The following CDC5L variants were observed in gnomAD, a reference collection of about 807,000 sequenced individuals.
The protein encoded by CDC5L is cell division cycle 5-like protein.
Under a neutral mutation model 104.1 loss-of-function variants are expected in CDC5L, and 18 were observed. The ratio of observed to expected loss-of-function variants is 0.17; its 90% CI spans 0.12 to 0.26. The LOEUF (loss-of-function observed/expected upper bound fraction) is 0.26. Among genes scored for constraint, CDC5L ranks in the 10% least tolerant of loss-of-function variants. The pLI is 1.00. For synonymous variants in CDC5L, 331 were observed against 322.7 expected (o/e 1.03, Z -0.28); for missense variants, 673 against 956.9 (o/e 0.70, Z 3.91).
intron 5 of CDC5L, among the ~76,000 whole-genome samples, chr6:44,400,710 C>G (rs1017022412): frequency 1.3e-5 from 2 of 152,208 alleles, no homozygotes; most frequent in Admixed American, 1.3e-4. Flanking sequence ...CTTCCCTTAC[C>G]TCCTGTGAGA....
At chr6:44,408,340 A>T in intron 7 of CDC5L, 104 bp from the exon 8 acceptor site, 1 of 769,728 alleles carries the variant, frequency 1.3e-6, no homozygotes, top group Non-Finnish European at 2.1e-6. Flanking sequence ...GGGCTCAAAC[A>T]GTTTGCCCTC....
chr6:44,403,586 TTTAC>T (rs1485337599), intron 5 of CDC5L, among the ~76,000 whole-genome samples: 2 of 152,156 alleles, frequency 1.3e-5, no homozygotes, highest in Non-Finnish European at 2.9e-5. Flanking sequence ...AAGATATGTA[TTTAC>T]TTGTAGTTCC....
At chr6:44,433,708 TAAAG>T (rs897542189) in intron 14 of CDC5L, among the ~76,000 whole-genome samples, 10 of 152,306 alleles carry the variant, frequency 6.6e-5, no homozygotes, top group African/African-American at 2.2e-4. Context: ...TAAAGTAACT[TAAAG>T]AACACAGATA....
rs1792242423 is a variant in CDC5L at position 44,422,700 on chromosome 6, A to G, written c.1295A>G (p.Lys432Arg). 2 of 1,613,258 alleles carry G rather than the reference A, an allele frequency of 1.2e-6. No individual in the cohort carries two copies. Among genetic ancestry groups the G allele is most frequent in the African/African-American group, 1.3e-5 (1 of 75,024 alleles). The change falls in exon 10 of 16, where the codon AAA becomes AGA. Residue 432 changes from lysine (K) to arginine (R), a missense_variant. By Grantham distance (26) the Lys-to-Arg change is conservative. Coordinates refer to ENST00000371477, the MANE Select transcript of CDC5L (RefSeq NM_001253.4). ...GLTPRSGTTP[K>R]PVINSTPGRT... The stretch of plus-strand genomic sequence containing the variant: ...ACTCCCCGGAGTGGAACAACTCCCA[A>G]ACCAGTTATTAACTCTACTCCGGGT...
At chr6:44,412,990 G>T (rs1023721683) in intron 8 of CDC5L, among the ~76,000 whole-genome samples, 2 of 151,364 alleles carry the variant, frequency 1.3e-5, no homozygotes, top group Non-Finnish European at 2.9e-5. Context: ...CACCGTTTTA[G>T]CTGGGATGGT....
In CDC5L at chr6:44,433,915, TTTAG is replaced by T. The variant is rs377534452; in HGVS notation, c.2091+4011_2091+4014del. 1.4e-4 allele frequency among the ~76,000 whole-genome samples: 21 copies of T among 152,238 alleles called. No homozygotes were observed. In the East Asian group the frequency reaches 3.9e-3, roughly 28 times the overall value. On this transcript the variant is annotated intron_variant, in intron 14 of 15. Transcript: ENST00000371477. ...AAAGAGGGAAAACTTAGGGCAAGGA[TTTAG>T]TTAGTAGACAGTTCTGGGTAGAGTG... is the stretch of plus-strand genomic sequence containing the variant.
Position 44,445,873 on chromosome 6 carries a change from G to A in CDC5L, c.2304+6G>A, listed in dbSNP as rs755647385. The A allele has an allele frequency of 5.0e-6, 8 of 1,598,602 alleles. No individual in the cohort carries two copies. In the East Asian group the frequency reaches 1.1e-4, roughly 22 times the overall value. On this transcript the variant is annotated splice_donor_region_variant and intron_variant, in intron 15 of 15. Transcript: ENST00000371477. ...CTATTCCCCGGAGGCTAGAGGTAAC[G>A]TTATATATTGAACTGTTGTTTAAAA...
chr6:44,387,902 C>T (rs758609571), intron 1 of CDC5L, 34 bp downstream of exon 1: 3 of 1,552,194 alleles, frequency 1.9e-6, no homozygotes, highest in Non-Finnish European at 1.7e-6. Context: ...CGCTGCCCGC[C>T]GCTCCCTCTA....
chr6:44,424,153 A>T (rs1792314508), intron 10 of CDC5L, among the ~76,000 whole-genome samples: 2 of 152,138 alleles, frequency 1.3e-5, no homozygotes. Flanking sequence ...GTGGATACAT[A>T]GTAGGTGTGT....
chr6:44,434,538 T>G (rs1792838306), intron 14 of CDC5L, among the ~76,000 whole-genome samples: 1 of 152,312 alleles, frequency 6.6e-6, no homozygotes, highest in East Asian at 1.9e-4. Flanking sequence ...ATCATATTGC[T>G]GATTGATGGA....
intron 13 of CDC5L, 72 bp downstream of exon 13, chr6:44,426,796 A>T: frequency 6.9e-7 from 1 of 1,446,658 alleles, no homozygotes; most frequent in South Asian, 1.2e-5. Context: ...TGGACAAATA[A>T]TGAACTTATT....
At chr6:44,395,994 G>A (rs763727650) in intron 4 of CDC5L, among the ~76,000 whole-genome samples, 8 of 152,186 alleles carry the variant, frequency 5.3e-5, no homozygotes, top group Non-Finnish European at 8.8e-5. Context: ...AATAATTGTA[G>A]CCACTGTTTA....
intron 4 of CDC5L, among the ~76,000 whole-genome samples, chr6:44,393,849 A>G (rs1023589473): frequency 6.6e-6 from 1 of 151,860 alleles, no homozygotes; most frequent in Non-Finnish European, 1.5e-5. Flanking sequence ...ATTTTTTTGT[A>G]GAGATGGGGT....
chr6:44,396,264 T>A, intron 4 of CDC5L, 77 bp from the exon 5 acceptor site: 1 of 798,206 alleles, frequency 1.3e-6, no homozygotes, highest in Non-Finnish European at 2.0e-6. Flanking sequence ...AGCAATAGAG[T>A]GTCTCTTACA....
chr6:44,408,362 A>T, intron 7 of CDC5L, 82 bp from the exon 8 acceptor site: 1 of 1,105,752 alleles, frequency 9.0e-7, no homozygotes. Flanking sequence ...TCGGCCTCCC[A>T]GAGTGTTGGG....
At chr6:44,436,370 T>C (rs1005204728) in intron 14 of CDC5L, among the ~76,000 whole-genome samples, 12 of 152,176 alleles carry the variant, frequency 7.9e-5, no homozygotes, top group African/African-American at 1.2e-4. Flanking sequence ...GAGAGATTGT[T>C]GTACTGAGTG....
chr6:44,394,855 CAAAAAAAAAAAAAAAAAAAA>C (rs60864045), intron 4 of CDC5L, among the ~76,000 whole-genome samples: 1 of 59,064 alleles, frequency 1.7e-5, no homozygotes, highest in African/African-American at 6.6e-5. Context: ...GACCCTGTCT[CAAAAAAAAAAAAAAAAAAAA>C]AAAAAAAAAA....
At position 44,446,780 on chromosome 6, in the gene CDC5L, A is replaced by T. The variant is rs1238122727; in HGVS notation, c.*69A>T. 1.3e-6 allele frequency: 1 copy of T among 741,508 alleles called. No individual in the cohort carries two copies. The highest frequency in any genetic ancestry group is 2.2e-6 in the Non-Finnish European group (1 of 445,266). 45.9% of individuals were successfully genotyped at this position (741,508 alleles called of 1,614,324 possible). On this transcript the variant is annotated 3_prime_UTR_variant, in exon 16 of 16. Transcript: ENST00000371477. ...TTCATACTCTAGAAGGCTGAAACTG[A>T]TGTTTATCTTCATTGACAAATTTAC... is the stretch of plus-strand genomic sequence containing the variant.
intron 14 of CDC5L, among the ~76,000 whole-genome samples, chr6:44,431,499 A>G (rs1281768645): frequency 6.6e-6 from 1 of 152,216 alleles, no homozygotes; most frequent in East Asian, 1.9e-4. Context: ...GCTTCTTTGT[A>G]TTATTTATAT....
Sources: gnomAD v4.1 joint callset for allele counts (sites outside exome capture counted in the v4.1 genomes callset) on GRCh38, gnomAD v4.1.1 for gene constraint, MANE v1.5 for transcripts, NCBI Gene and HGNC (gene_info 2026-07-23, HGNC 2026-07-21) for gene names.